The following YAE1 variants were observed in gnomAD, a reference collection of about 807,000 sequenced individuals.
The protein encoded by YAE1 is protein YAE1 homolog.
A neutral mutation model predicts 23.0 loss-of-function variants in YAE1; 22 were observed. The ratio of observed to expected loss-of-function variants is 0.96; its 90% confidence interval spans 0.68 to 1.37. YAE1 has a LOEUF of 1.37. Among genes scored for constraint, YAE1 ranks in the 40% most tolerant of loss-of-function variants. YAE1 has a pLI of 0.00. For synonymous variants in YAE1, 101 were observed against 97.0 expected (o/e 1.04, Z -0.24); for missense variants, 260 against 262.1 (o/e 0.99, Z 0.06).
intron 1 of YAE1, chr7:39,569,725 A>G: frequency 1.4e-6 from 1 of 733,408 alleles, no homozygotes; most frequent in Non-Finnish European, 2.6e-6. Context: ...ATCCACGTAG[A>G]TAGCTGAAAG....
At chr7:39,597,386 A>C (rs1224114617) in intron 2 of YAE1, among the ~76,000 whole-genome samples, 1 of 152,216 alleles carries the variant, frequency 6.6e-6, no homozygotes, top group Non-Finnish European at 1.5e-5. Flanking sequence ...CCTGGGCAAC[A>C]TAGTGAGATT....
chr7:39,593,747 C>CATCCTGTAATTTCTTTA (rs1216761346), intron 2 of YAE1, among the ~76,000 whole-genome samples: 1 of 152,236 alleles, frequency 6.6e-6, no homozygotes, highest in Non-Finnish European at 1.5e-5. Context: ...GCATGAGCCA[C>CATCCTGTAATTTCTTTA]CGCATCCAGC....
exon 3 of YAE1, chr7:39,609,856 G>C (rs1374024950): frequency 1.3e-6 from 2 of 1,533,566 alleles, no homozygotes; most frequent in Non-Finnish European, 1.7e-6. Context: ...AGCCACCGCC[G>C]GCGTTTCAGA....
At chr7:39,578,201 C>G (rs1790685798) in intron 2 of YAE1, among the ~76,000 whole-genome samples, 1 of 152,138 alleles carries the variant, frequency 6.6e-6, no homozygotes, top group South Asian at 2.1e-4. Flanking sequence ...CTGTGTCTAG[C>G]TAATCTGGTA....
intron 2 of YAE1, among the ~76,000 whole-genome samples, chr7:39,591,467 C>T (rs1003484253): frequency 1.3e-5 from 2 of 152,180 alleles, no homozygotes; most frequent in East Asian, 3.9e-4. Context: ...TTTTATTTCC[C>T]TTTTATTCTT....
intron 2 of YAE1, among the ~76,000 whole-genome samples, chr7:39,593,802 ATGT>A (rs1425262270): frequency 1.3e-5 from 2 of 152,118 alleles, no homozygotes; most frequent in African/African-American, 4.8e-5. Flanking sequence ...GATTTCCTAT[ATGT>A]TCATTCATTT....
downstream of YAE1, among the ~76,000 whole-genome samples, chr7:39,573,860 C>T (rs1408226541): frequency 6.6e-6 from 1 of 152,184 alleles, no homozygotes; most frequent in Admixed American, 6.5e-5. Context: ...GCTGAAGATA[C>T]CAGTGCCATT....
At chr7:39,608,344 A>C (rs1159779354) in intron 2 of YAE1, among the ~76,000 whole-genome samples, 1 of 152,230 alleles carries the variant, frequency 6.6e-6, no homozygotes, top group Non-Finnish European at 1.5e-5. Flanking sequence ...TTGGGAATAC[A>C]CAGAAGGCAC....
intron 2 of YAE1, among the ~76,000 whole-genome samples, chr7:39,582,029 G>A (rs1174937529): frequency 6.6e-6 from 1 of 152,054 alleles, no homozygotes; most frequent in Non-Finnish European, 1.5e-5. Context: ...CTGGGCTCAA[G>A]CAATCCTCCT....
chr7:39,578,422 G>C (rs1272806016), intron 2 of YAE1, among the ~76,000 whole-genome samples: 1 of 152,176 alleles, frequency 6.6e-6, no homozygotes, highest in Non-Finnish European at 1.5e-5. Flanking sequence ...CTAGTTCCAT[G>C]TTGTGGAAGC....
intron 2 of YAE1, among the ~76,000 whole-genome samples, chr7:39,607,858 G>T (rs892358050): frequency 1.5e-4 from 23 of 152,128 alleles, no homozygotes; most frequent in East Asian, 5.8e-4. Flanking sequence ...TAGTAGAGAC[G>T]GGGTTTTACC....
chr7:39,599,218 T>C (rs943437952), intron 2 of YAE1, among the ~76,000 whole-genome samples: 3 of 151,976 alleles, frequency 2.0e-5, no homozygotes, highest in Admixed American at 6.6e-5. Flanking sequence ...CCAGCCTGGA[T>C]GACAGAGAGA....
At chr7:39,578,414 AGTTCCAT>A (rs1790689683) in intron 2 of YAE1, among the ~76,000 whole-genome samples, 1 of 152,224 alleles carries the variant, frequency 6.6e-6, no homozygotes, top group Non-Finnish European at 1.5e-5. Context: ...CCAAGGGTCT[AGTTCCAT>A]GTTGTGGAAG....
Position 39,572,620 on chromosome 7 carries a change from C to G in YAE1, c.595C>G (p.Pro199Ala), listed in dbSNP as rs1562589684. The G allele has an allele frequency of 6.2e-7, 1 of 1,613,988 alleles. No homozygotes were observed. The highest frequency in any genetic ancestry group is 8.5e-7 in the Non-Finnish European group (1 of 1,179,934). Residue 199 changes from proline to alanine, a missense_variant, in exon 3 of 3, where the codon CCC (proline) becomes GCC (alanine). Coordinates refer to ENST00000223273, the MANE Select transcript of YAE1 (RefSeq NM_020192.5). ...QEHAHSENPS[P>A]TWILEQTASL... ...GCATGCACATTCAGAAAACCCAAGC[C>G]CCACATGGATTTTGGAACAGACAGC... is the stretch of plus-strand genomic sequence containing the variant.
chr7:39,569,923 C>T lies in YAE1; in HGVS notation c.130-583C>T. The T allele has an allele frequency of 2.4e-6, 3 of 1,265,860 alleles. No homozygotes were observed. The South Asian group carries it at 3.6e-5, about 15-fold the overall frequency. 78.4% of individuals were successfully genotyped at this position (1,265,860 alleles called of 1,614,324 possible). ...GGAAGAACAGTTATTGTAAACTGTC[C>T]AGTCAGTCCTGGCTGCTCTGTGACA... is the stretch of plus-strand genomic sequence containing the variant. On this transcript the variant is annotated intron_variant, in intron 1 of 2. Coordinates refer to ENST00000223273, the MANE Select transcript of YAE1 (RefSeq NM_020192.5).
In YAE1 at chr7:39,609,835, CTG is replaced by C; in HGVS notation, c.471_472del (p.Gly158AspfsTer39). 6.5e-7 allele frequency: 1 copy of C among 1,533,188 alleles called. No homozygotes were observed. The highest frequency in any genetic ancestry group is 1.2e-5 in the South Asian group (1 of 83,840). 95.0% of individuals were successfully genotyped at this position (1,533,188 alleles called of 1,614,324 possible). A position where few individuals can be genotyped will look rare whatever the true frequency, so the allele number is the denominator to read the frequency against. On this transcript the variant is annotated frameshift_variant, in exon 3 of 3. Coordinates refer to the YAE1 transcript ENST00000432096. LOFTEE classifies it low-confidence loss of function (END_TRUNC). ...CCCGCCCGGCTCCGGGCCCCAGGCC[CTG>C]GGACGCCGAGCCACCGCCGGCGTTT...
intron 1 of YAE1, among the ~76,000 whole-genome samples, chr7:39,569,181 C>A (rs1176044230): frequency 6.6e-6 from 1 of 152,142 alleles, no homozygotes; most frequent in Non-Finnish European, 1.5e-5. Context: ...ACTAGTTAAA[C>A]CACCATACTG....
At chr7:39,567,374 A>C (rs1188099132) in intron 1 of YAE1, among the ~76,000 whole-genome samples, 3 of 152,216 alleles carry the variant, frequency 2.0e-5, no homozygotes, top group Non-Finnish European at 2.9e-5. Flanking sequence ...ACCGTGAGAG[A>C]TGCAGAACGA....
At chr7:39,575,229 C>T (rs1377166951), downstream of YAE1, among the ~76,000 whole-genome samples, 3 of 152,176 alleles carry the variant, frequency 2.0e-5, no homozygotes, top group East Asian at 1.9e-4. Context: ...AAATAAGTTA[C>T]TTCTGGGTGC....
Sources: allele counts gnomAD v4.1 joint callset (sites outside exome capture counted in the v4.1 genomes callset), GRCh38; gene constraint gnomAD v4.1.1; transcripts MANE v1.5; gene names NCBI Gene and HGNC (gene_info 2026-07-23, HGNC 2026-07-21).